The following PBX1 variants were observed in gnomAD, a reference collection of about 807,000 sequenced individuals.
PBX1 encodes the protein PBX homeobox 1.
A neutral mutation model predicts 53.4 loss-of-function variants in PBX1; 6 were observed. That is an observed-to-expected ratio of 0.11 (90% CI 0.06 to 0.22). The LOEUF (loss-of-function observed/expected upper bound fraction) is 0.22. PBX1 is among the 10% of genes least tolerant of loss of function. PBX1 has a pLI of 1.00. For missense variants in PBX1, 251 were observed against 551.4 expected, an observed-to-expected ratio of 0.46 and a Z score of 5.46; for synonymous variants, 204 against 212.3, an observed-to-expected ratio of 0.96 and a Z score of 0.34.
chr1:164,885,077 C>T (rs1278174528), intron 2 of PBX1, among the ~76,000 whole-genome samples: 6 of 152,142 alleles, frequency 3.9e-5, no homozygotes, highest in African/African-American at 1.4e-4. Context: ...CACCAAATCC[C>T]TGGCAGGCAT....
intron 2 of PBX1, among the ~76,000 whole-genome samples, chr1:164,788,668 A>C (rs756264056): frequency 2.6e-5 from 4 of 151,882 alleles, no homozygotes; most frequent in Non-Finnish European, 5.9e-5. Flanking sequence ...TTTTTGCACA[A>C]TCATTTTCTA....
rs1183221185 is a variant in PBX1, at chr1:164,559,812, A to C, written c.-11A>C. Reference sequence around the variant, plus strand: ...AAGAGGAAGAGCCGGGGGCTGCCGTAGCCTTTGGAGATGGACGAGCAGCCC... The same window carrying C: ...AAGAGGAAGAGCCGGGGGCTGCCGTCGCCTTTGGAGATGGACGAGCAGCCC... On this transcript the variant is annotated 5_prime_UTR_variant, in exon 1 of 9. Coordinates refer to ENST00000420696, the MANE Select transcript of PBX1 (RefSeq NM_002585.4). 2 of 1,541,514 alleles carry C rather than the reference A, an allele frequency of 1.3e-6. No individual in the cohort carries two copies. Among genetic ancestry groups the C allele is most frequent in the South Asian group, 1.2e-5 (1 of 83,576 alleles).
chr1:164,618,450 T>G (rs1318346807), intron 2 of PBX1, among the ~76,000 whole-genome samples: 5 of 152,184 alleles, frequency 3.3e-5, no homozygotes, highest in Non-Finnish European at 5.9e-5. Flanking sequence ...GGTTTAATTT[T>G]GCACAGCTCC....
chr1:164,862,560 C>T (rs1219445462), intron 2 of PBX1, among the ~76,000 whole-genome samples: 1 of 152,204 alleles, frequency 6.6e-6, no homozygotes, highest in Non-Finnish European at 1.5e-5. Context: ...GACGGAACAA[C>T]TGCCCCCACA....
intron 2 of PBX1, among the ~76,000 whole-genome samples, chr1:164,605,620 T>A (rs1437358362): frequency 1.3e-5 from 2 of 152,210 alleles, no homozygotes; most frequent in Non-Finnish European, 2.9e-5. Context: ...TTTGGTGGTT[T>A]GTGAAGCCCT....
intron 2 of PBX1, among the ~76,000 whole-genome samples, chr1:164,727,184 T>C (rs1417591783): frequency 6.6e-6 from 1 of 152,230 alleles, no homozygotes; most frequent in African/African-American, 2.4e-5. Context: ...ATAATGAACA[T>C]GTAATGAAAT....
intron 2 of PBX1, among the ~76,000 whole-genome samples, chr1:164,623,527 C>A (rs963306826): frequency 6.6e-6 from 1 of 152,228 alleles, no homozygotes; most frequent in Non-Finnish European, 1.5e-5. Flanking sequence ...TTAGGTTTCA[C>A]CTTTTTACGC....
At position 164,573,037 on chromosome 1, in the gene PBX1, G is replaced by C. The variant is rs868765752; in HGVS notation, c.265+9726G>C. 9.2e-5 allele frequency among the ~76,000 whole-genome samples: 14 copies of C among 152,266 alleles called. No individual in the cohort carries two copies. In the South Asian group the frequency reaches 1.5e-3, roughly 16 times the overall value. ...CCCTACTTCTAGAGTTCTGTGGAGA[G>C]AATCTCACAGAACAGTGCTTTTCAG... On this transcript the variant is annotated intron_variant, in intron 2 of 8. Coordinates refer to ENST00000420696, the MANE Select transcript of PBX1 (RefSeq NM_002585.4).
chr1:164,700,305 C>G (rs1663043502), intron 2 of PBX1, among the ~76,000 whole-genome samples: 2 of 152,160 alleles, frequency 1.3e-5, no homozygotes, highest in African/African-American at 4.8e-5. Flanking sequence ...TCCTGAGGGA[C>G]ACGGGACTCC....
rs562827604 is a variant in PBX1 at position 164,661,721 on chromosome 1, C to G, written c.265+98410C>G. Reference sequence around the variant, plus strand: ...GGATTACAGGCGTGAGCCACTGTGCCCAGCCATAAGCCAGTTTCTTATATT... The same window carrying G: ...GGATTACAGGCGTGAGCCACTGTGCGCAGCCATAAGCCAGTTTCTTATATT... On this transcript the variant is annotated intron_variant, in intron 2 of 8. Transcript: ENST00000420696. 9.6e-4 allele frequency among the ~76,000 whole-genome samples: 146 copies of G among 152,224 alleles called. 2 individuals carry two copies. The highest frequency in any genetic ancestry group is 3.3e-3 in the African/African-American group (138 of 41,536).
At chr1:164,692,475 G>C (rs1662547151) in intron 2 of PBX1, among the ~76,000 whole-genome samples, 1 of 152,098 alleles carries the variant, frequency 6.6e-6, no homozygotes, top group Non-Finnish European at 1.5e-5. Flanking sequence ...ACCCCTTATA[G>C]ATAACACAAC....
At chr1:164,748,936 A>G (rs1427524606) in intron 2 of PBX1, among the ~76,000 whole-genome samples, 7 of 152,182 alleles carry the variant, frequency 4.6e-5, no homozygotes, top group Admixed American at 2.6e-4. Flanking sequence ...GAGGAAGCCA[A>G]AAAGAGCAAG....
At chr1:164,746,863 G>A (rs1665919807) in intron 2 of PBX1, among the ~76,000 whole-genome samples, 1 of 152,204 alleles carries the variant, frequency 6.6e-6, no homozygotes, top group Admixed American at 6.5e-5. Flanking sequence ...TGATGGGGTT[G>A]CTGGCAGAAG....
intron 2 of PBX1, among the ~76,000 whole-genome samples, chr1:164,666,989 G>A (rs1381669740): frequency 6.6e-6 from 1 of 152,164 alleles, no homozygotes; most frequent in Non-Finnish European, 1.5e-5. Flanking sequence ...ATAGAGCTGA[G>A]ATTTGAACCC....
chr1:164,613,846 A>G (rs1426552105), intron 2 of PBX1, among the ~76,000 whole-genome samples: 4 of 152,102 alleles, frequency 2.6e-5, no homozygotes, highest in Non-Finnish European at 5.9e-5. Context: ...GCTGGACTTT[A>G]CCTGGGGGCT....
chr1:164,624,523 C>A (rs1171639346), intron 2 of PBX1, among the ~76,000 whole-genome samples: 1 of 152,136 alleles, frequency 6.6e-6, no homozygotes, highest in Admixed American at 6.5e-5. Flanking sequence ...AATTTGTGGG[C>A]CACGGACCCT....
At chr1:164,823,912 AGCTT>A (rs1216261621) in intron 8 of PBX1, among the ~76,000 whole-genome samples, 1 of 152,138 alleles carries the variant, frequency 6.6e-6, no homozygotes, top group Non-Finnish European at 1.5e-5. Context: ...CAGGAGGCTA[AGCTT>A]GTTATAGTGA....
chr1:164,664,151 G>T (rs1437293716), intron 2 of PBX1, among the ~76,000 whole-genome samples: 1 of 152,198 alleles, frequency 6.6e-6, no homozygotes, highest in East Asian at 1.9e-4. Flanking sequence ...ACTGAAACAG[G>T]TTAACTGAGG....
downstream of PBX1, among the ~76,000 whole-genome samples, chr1:164,856,424 G>C (rs745386790): frequency 7.9e-5 from 12 of 152,136 alleles, no homozygotes; most frequent in Non-Finnish European, 1.5e-4. Flanking sequence ...ACTCTCTGCT[G>C]TTGGGCACAG....
Sources: gnomAD v4.1 joint callset for allele counts (sites outside exome capture counted in the v4.1 genomes callset) on GRCh38, gnomAD v4.1.1 for gene constraint, MANE v1.5 for transcripts, NCBI Gene and HGNC (gene_info 2026-07-23, HGNC 2026-07-21) for gene names.